The following ADGRL3 variants were observed in gnomAD, a reference collection of about 807,000 sequenced individuals.
ADGRL3 encodes adhesion G protein-coupled receptor L3, also known as calcium-independent alpha-latrotoxin receptor 3.
Under a neutral mutation model 153.5 loss-of-function variants are expected in ADGRL3, and 62 were observed. The observed-to-expected ratio is 0.40, with a 90% CI of 0.33 to 0.50. ADGRL3 has a LOEUF of 0.50. ADGRL3 is among the 20% of genes least tolerant of loss of function. ADGRL3 has a pLI of 0.47. For synonymous variants in ADGRL3, 710 were observed against 672.5 expected, an observed-to-expected ratio of 1.06 and a Z score of -0.86; for missense variants, 1,641 against 1,859.4, an observed-to-expected ratio of 0.88 and a Z score of 2.16.
intron 4 of ADGRL3, among the ~76,000 whole-genome samples, chr4:61,556,803 T>TG (rs1403072664): frequency 6.6e-6 from 1 of 152,212 alleles, no homozygotes; most frequent in East Asian, 1.9e-4. Flanking sequence ...TCAAGTTCAA[T>TG]GGTGGGTGCC....
At chr4:61,641,221 C>G (rs1190669639) in intron 5 of ADGRL3, among the ~76,000 whole-genome samples, 2 of 151,856 alleles carry the variant, frequency 1.3e-5, no homozygotes, top group Non-Finnish European at 2.9e-5. Flanking sequence ...TGATGTGATG[C>G]CTACTTGGCA....
At chr4:61,693,848 T>A (rs1485685041) in intron 6 of ADGRL3, among the ~76,000 whole-genome samples, 1 of 152,142 alleles carries the variant, frequency 6.6e-6, no homozygotes, top group Non-Finnish European at 1.5e-5. Flanking sequence ...GAAACAGATA[T>A]ACTTTGATTC....
intron 2 of ADGRL3, among the ~76,000 whole-genome samples, chr4:61,437,173 G>A (rs958987755): frequency 5.9e-5 from 9 of 151,882 alleles, no homozygotes; most frequent in African/African-American, 1.7e-4. Context: ...TGACCAGTAC[G>A]CCATTGATCC....
chr4:62,006,834 C>T (rs919920421), intron 21 of ADGRL3, among the ~76,000 whole-genome samples: 3 of 152,020 alleles, frequency 2.0e-5, no homozygotes, highest in African/African-American at 7.2e-5. Context: ...ATTTCTCTCA[C>T]TAGTCACTAA....
At chr4:61,255,070 A>C (rs2091829675) in intron 1 of ADGRL3, among the ~76,000 whole-genome samples, 1 of 152,160 alleles carries the variant, frequency 6.6e-6, no homozygotes, top group Non-Finnish European at 1.5e-5. Flanking sequence ...AAATATCATG[A>C]ACATACATTA....
At chr4:61,583,442 G>A (rs2098934155) in intron 4 of ADGRL3, among the ~76,000 whole-genome samples, 1 of 152,138 alleles carries the variant, frequency 6.6e-6, no homozygotes, top group Non-Finnish European at 1.5e-5. Flanking sequence ...CAATAATGAA[G>A]TGGCTAAAAT....
chr4:61,990,102 A>G (rs1048078645), intron 19 of ADGRL3, among the ~76,000 whole-genome samples: 1 of 152,096 alleles, frequency 6.6e-6, no homozygotes, highest in African/African-American at 2.4e-5. Flanking sequence ...AAGAGTTTAT[A>G]GCAGCATTAT....
intron 13 of ADGRL3, among the ~76,000 whole-genome samples, chr4:61,921,701 C>T (rs371152789): frequency 2.0e-4 from 31 of 152,270 alleles, no homozygotes; most frequent in East Asian, 9.7e-4. Flanking sequence ...CCACCATGCC[C>T]GGCCTGTTAG....
intron 1 of ADGRL3, among the ~76,000 whole-genome samples, chr4:61,223,538 TGTCG>T (rs1038935872): frequency 6.6e-5 from 10 of 152,198 alleles, no homozygotes; most frequent in Admixed American, 4.6e-4. Context: ...TGGTGGTGTG[TGTCG>T]GTCAAATGCC....
intron 24 of ADGRL3, 54 bp downstream of exon 24, chr4:62,037,910 G>C (rs1265286237): frequency 5.0e-6 from 8 of 1,599,686 alleles, no homozygotes; most frequent in Non-Finnish European, 6.8e-6. Flanking sequence ...ACCAGTTACT[G>C]TCCCTTATGA....
chr4:61,270,283 T>C (rs1347546096), intron 1 of ADGRL3, among the ~76,000 whole-genome samples: 1 of 151,676 alleles, frequency 6.6e-6, no homozygotes, highest in African/African-American at 2.4e-5. Context: ...CAGGACCATG[T>C]TTTCTAGGTT....
intron 1 of ADGRL3, among the ~76,000 whole-genome samples, chr4:61,370,248 T>G (rs957199437): frequency 6.7e-6 from 1 of 150,236 alleles, no homozygotes; most frequent in Non-Finnish European, 1.5e-5. Flanking sequence ...GCTCTGATTT[T>G]AGTTATTTCT....
chr4:62,028,947 A>C (rs1720436137), intron 22 of ADGRL3, 66 bp downstream of exon 22: 1 of 1,387,598 alleles, frequency 7.2e-7, no homozygotes, highest in Non-Finnish European at 1.0e-6. Flanking sequence ...CAGCTGTCAG[A>C]TCAGTACTGA....
At chr4:61,869,965 AGAGAG>A (rs2098431708) in intron 9 of ADGRL3, among the ~76,000 whole-genome samples, 1 of 98,262 alleles carries the variant, frequency 1.0e-5, no homozygotes, top group Non-Finnish European at 2.1e-5. Context: ...AAAAAAAGAG[AGAGAG>A]AGAGAAAGAG....
chr4:61,487,336 C>G (rs1170401705), intron 2 of ADGRL3, among the ~76,000 whole-genome samples: 5 of 152,248 alleles, frequency 3.3e-5, no homozygotes, highest in South Asian at 2.1e-4. Context: ...ATAGCCCCTT[C>G]CTTATGGAGT....
At chr4:62,010,034 C>T (rs974724818) in intron 21 of ADGRL3, among the ~76,000 whole-genome samples, 4 of 152,194 alleles carry the variant, frequency 2.6e-5, no homozygotes, top group African/African-American at 9.6e-5. Flanking sequence ...TTTTCATGCC[C>T]TCTCCAGGAA....
intron 9 of ADGRL3, among the ~76,000 whole-genome samples, chr4:61,890,582 C>G (rs1448607166): frequency 6.6e-6 from 1 of 152,242 alleles, no homozygotes; most frequent in East Asian, 1.9e-4. Flanking sequence ...TATCAGAAAC[C>G]CATTTCCAAG....
intron 5 of ADGRL3, among the ~76,000 whole-genome samples, chr4:61,618,167 AAG>A (rs2092211920): frequency 1.3e-5 from 2 of 152,326 alleles, no homozygotes; most frequent in South Asian, 4.1e-4. Context: ...TTTTCTGAAA[AAG>A]ATGCTGCCTT....
chr4:61,303,971 A>G (rs1449903001), intron 1 of ADGRL3, among the ~76,000 whole-genome samples: 1 of 152,214 alleles, frequency 6.6e-6, no homozygotes, highest in Admixed American at 6.5e-5. Context: ...CATCCTGTTC[A>G]GTATTAGGAG....
Sources: allele counts gnomAD v4.1 joint callset (sites outside exome capture counted in the v4.1 genomes callset), GRCh38; gene constraint gnomAD v4.1.1; transcripts MANE v1.5; gene names NCBI Gene and HGNC (gene_info 2026-07-23, HGNC 2026-07-21).